Variants in PROCR observed in about 807,000 individuals in gnomAD.
The protein encoded by PROCR is protein C receptor.
PROCR carries 22 observed loss-of-function variants against 24.2 expected under a neutral mutation model. The observed-to-expected ratio is 0.91, with a 90% CI of 0.65 to 1.30. PROCR has a LOEUF of 1.30. PROCR is among the 50% of genes most tolerant of loss of function. The probability of loss-of-function intolerance (pLI) is 0.00; values close to 1 mark genes in which losing one functional copy is unlikely to be tolerated. For synonymous variants in PROCR, 137 were observed against 139.2 expected (o/e 0.98, Z 0.11); for missense variants, 288 against 307.7 (o/e 0.94, Z 0.48).
At chr20:35,198,614 A>G (rs1044043693) in intron 1 of PROCR, among the ~76,000 whole-genome samples, 1 of 152,320 alleles carries the variant, frequency 6.6e-6, no homozygotes, top group Admixed American at 6.5e-5. Flanking sequence ...ATCAAGTTCT[A>G]CAGAAGATCG....
At chr20:35,171,594 A>C (rs544411115), upstream of PROCR, among the ~76,000 whole-genome samples, 28 of 152,248 alleles carry the variant, frequency 1.8e-4, no homozygotes, top group African/African-American at 6.7e-4. Flanking sequence ...CGGATTATGT[A>C]ATTGTTATTT....
At chr20:35,215,390 C>A (rs1488020416) in intron 1 of PROCR, among the ~76,000 whole-genome samples, 1 of 152,176 alleles carries the variant, frequency 6.6e-6, no homozygotes, top group Admixed American at 6.5e-5. Context: ...CTTCCTTGAT[C>A]TCCCTGATAT....
intron 1 of PROCR, among the ~76,000 whole-genome samples, chr20:35,185,428 T>C (rs1488661722): frequency 6.6e-6 from 1 of 152,130 alleles, no homozygotes; most frequent in Non-Finnish European, 1.5e-5. Context: ...AAAAAGATAC[T>C]TGCACACGCA....
At chr20:35,177,775 C>T (rs961533238), downstream of PROCR, among the ~76,000 whole-genome samples, 3 of 152,100 alleles carry the variant, frequency 2.0e-5, no homozygotes, top group African/African-American at 4.8e-5. Context: ...TCTCTATAAA[C>T]TACTCTGAGA....
intron 1 of PROCR, among the ~76,000 whole-genome samples, chr20:35,198,609 G>A (rs2060307919): frequency 6.6e-6 from 1 of 152,140 alleles, no homozygotes; most frequent in Non-Finnish European, 1.5e-5. Context: ...GCTGCATCAA[G>A]TTCTACAGAA....
chr20:35,178,507 G>GTTTTTTTT (rs1203789471), downstream of PROCR, among the ~76,000 whole-genome samples: 350 of 34,350 alleles, frequency 0.01, 93 homozygotes, highest in African/African-American at 0.017. Flanking sequence ...TCAAGTCTCA[G>GTTTTTTTT]TTTTTTTTTT....
Position 35,176,433 on chromosome 20 carries a change from G to A in PROCR, c.588G>A (p.Ala196=), listed in dbSNP as rs779402481. 12 of 1,613,828 alleles carry A rather than the reference G, an allele frequency of 7.4e-6. No individual in the cohort carries two copies. Among genetic ancestry groups the A allele is most frequent in the South Asian group, 2.2e-5 (2 of 91,084 alleles). Residue 196 remains alanine (A), a synonymous_variant, in exon 3 of 4, where the codon GCG becomes GCA. Coordinates refer to ENST00000216968, the MANE Select transcript of PROCR (RefSeq NM_006404.5). ...CVQYVQKHIS[A]ENTKGSQTSR... The stretch of plus-strand genomic sequence containing the variant: ...AGTATGTGCAGAAACATATTTCCGC[G>A]GAAAACACGAAAGGTATGATGGGAC...
Position 35,176,456 on chromosome 20 carries a change from G to A in PROCR, c.601+10G>A. On this transcript the variant is annotated intron_variant, in intron 3 of 3. Transcript: ENST00000216968. Reference sequence around the variant, plus strand: ...GCGGAAAACACGAAAGGTATGATGGGACGGGGCCCAGGCCTGCAAGCTGGG... The same window carrying A: ...GCGGAAAACACGAAAGGTATGATGGAACGGGGCCCAGGCCTGCAAGCTGGG... 6.2e-7 allele frequency: 1 copy of A among 1,613,012 alleles called. No homozygotes were observed. The highest frequency in any genetic ancestry group is 8.5e-7 in the Non-Finnish European group (1 of 1,179,332).
Position 35,177,010 on chromosome 20 carries a change from G to A in PROCR, c.*197G>A. ...GAGAGGTGGACAAAGTACTTGGTTT[G>A]CTAAGAACCTAAGAACGTGTATGCT... On this transcript the variant is annotated 3_prime_UTR_variant, in exon 4 of 4. Coordinates refer to ENST00000216968, the MANE Select transcript of PROCR (RefSeq NM_006404.5). The A allele has an allele frequency of 1.4e-6, 2 of 1,420,950 alleles. No homozygotes were observed. The highest frequency in any genetic ancestry group is 1.8e-6 in the Non-Finnish European group (2 of 1,086,918). 88.0% of individuals were successfully genotyped at this position (1,420,950 alleles called of 1,614,324 possible). A position where few individuals can be genotyped will look rare whatever the true frequency, so the allele number is the denominator to read the frequency against.
chr20:35,180,251 T>TAAAG, downstream of PROCR, among the ~76,000 whole-genome samples: 1 of 105,556 alleles, frequency 9.5e-6, no homozygotes, highest in East Asian at 2.2e-4. Context: ...CCATCTCAAA[T>TAAAG]AAATAAATAA....
intron 2 of PROCR, 21 bp from the exon 3 acceptor site, chr20:35,176,141 CCCCTGA>C: frequency 1.2e-6 from 2 of 1,605,744 alleles, no homozygotes; most frequent in Non-Finnish European, 8.5e-7. Flanking sequence ...TCTGCACAGT[CCCCTGA>C]CCCTGACTGT....
chr20:35,196,550 G>A lies in PROCR; in HGVS notation c.95-19343G>A, dbSNP rs561892882. Among the ~76,000 whole-genome samples, 3 of 152,248 alleles carry A rather than the reference G, an allele frequency of 2.0e-5. No homozygotes were observed. In the East Asian group the frequency reaches 5.8e-4, roughly 29 times the overall value. On this transcript the variant is annotated intron_variant, in intron 1 of 1. Coordinates refer to the PROCR transcript ENST00000634509. Reference sequence around the variant, plus strand: ...AGATTTTTCATCAGAGACCATGGAAGCCAGAAGACAATGGAATAACACCTT... The same window carrying A: ...AGATTTTTCATCAGAGACCATGGAAACCAGAAGACAATGGAATAACACCTT...
At chr20:35,208,459 T>TA (rs2060349987) in intron 1 of PROCR, among the ~76,000 whole-genome samples, 1 of 152,238 alleles carries the variant, frequency 6.6e-6, no homozygotes, top group Non-Finnish European at 1.5e-5. Flanking sequence ...GAAGGAGACT[T>TA]AACCCTGACT....
In PROCR at chr20:35,176,449, A is replaced by G. The variant is rs1255123856; in HGVS notation, c.601+3A>G. ...TATTTCCGCGGAAAACACGAAAGGTATGATGGGACGGGGCCCAGGCCTGCA... is the reference window on the plus strand; with the variant it reads ...TATTTCCGCGGAAAACACGAAAGGTGTGATGGGACGGGGCCCAGGCCTGCA... On this transcript the variant is annotated splice_donor_region_variant and intron_variant, in intron 3 of 3. Transcript: ENST00000216968. The G allele has an allele frequency of 6.2e-7, 1 of 1,613,578 alleles. No individual in the cohort carries two copies. The highest frequency in any genetic ancestry group is 8.5e-7 in the Non-Finnish European group (1 of 1,179,682).
intron 1 of PROCR, among the ~76,000 whole-genome samples, chr20:35,209,237 G>A (rs2060353268): frequency 6.6e-6 from 1 of 152,142 alleles, no homozygotes; most frequent in Non-Finnish European, 1.5e-5. Flanking sequence ...TGGCTATGGG[G>A]GAGGTTAAAG....
upstream of PROCR, among the ~76,000 whole-genome samples, chr20:35,171,885 G>T (rs960380764): frequency 1.3e-5 from 2 of 152,132 alleles, no homozygotes; most frequent in Non-Finnish European, 2.9e-5. Context: ...AAGGAGAAGG[G>T]AAAAGGCAGG....
chr20:35,195,996 C>G (rs2086212977), intron 1 of PROCR, among the ~76,000 whole-genome samples: 1 of 151,152 alleles, frequency 6.6e-6, no homozygotes, highest in Non-Finnish European at 1.5e-5. Context: ...GCCTGGGCAA[C>G]ATGGTGAGAC....
chr20:35,200,184 G>A (rs571531480), intron 1 of PROCR, among the ~76,000 whole-genome samples: 36 of 152,290 alleles, frequency 2.4e-4, no homozygotes, highest in African/African-American at 8.2e-4. Context: ...TGACAACAAA[G>A]GATTTAGAAT....
intron 2 of PROCR, among the ~76,000 whole-genome samples, chr20:35,175,578 CTTT>C (rs869059685): frequency 1.4e-4 from 4 of 27,944 alleles, no homozygotes; most frequent in Admixed American, 8.3e-4. Flanking sequence ...CCCCACCCCC[CTTT>C]TTTTTTTTTT....
Sources: allele counts gnomAD v4.1 joint callset (sites outside exome capture counted in the v4.1 genomes callset), GRCh38; gene constraint gnomAD v4.1.1; transcripts MANE v1.5; gene names NCBI Gene and HGNC (gene_info 2026-07-23, HGNC 2026-07-21).